Variants in ALK observed in about 807,000 individuals in gnomAD.
ALK encodes the protein ALK tyrosine kinase receptor.
A neutral mutation model predicts 163.1 loss-of-function variants in ALK; 74 were observed. The observed-to-expected ratio is 0.45, with a 90% confidence interval of 0.38 to 0.55. The LOEUF is 0.55. ALK is among the 20% of genes least tolerant of loss of function. The pLI, the probability that ALK is intolerant of heterozygous loss-of-function variation, is 0.00. For missense variants in ALK, 2,063 were observed against 2,105.3 expected (o/e 0.98, Z 0.39); for synonymous variants, 960 against 843.2 (o/e 1.14, Z -2.40).
intron 4 of ALK, among the ~76,000 whole-genome samples, chr2:29,398,632 T>A (rs1032522491): frequency 1.3e-4 from 20 of 152,168 alleles, no homozygotes; most frequent in Non-Finnish European, 8.8e-5. Flanking sequence ...TCACAGAAGC[T>A]GGCATCTTTT....
At chr2:29,415,302 T>C (rs559471967) in intron 4 of ALK, among the ~76,000 whole-genome samples, 1 of 152,148 alleles carries the variant, frequency 6.6e-6, no homozygotes, top group South Asian at 2.1e-4. Context: ...CCTCATTCAA[T>C]AGAGGAAGAC....
intron 5 of ALK, among the ~76,000 whole-genome samples, chr2:29,358,861 C>T (rs996613432): frequency 1.5e-4 from 23 of 152,088 alleles, no homozygotes; most frequent in African/African-American, 5.6e-4. Context: ...ACTACCTTAC[C>T]AGCTCTGTGA....
At chr2:29,305,091 G>A (rs953667383) in intron 8 of ALK, among the ~76,000 whole-genome samples, 1 of 152,218 alleles carries the variant, frequency 6.6e-6, no homozygotes, top group African/African-American at 2.4e-5. Flanking sequence ...CTTAGTGCAG[G>A]AAGTGCCTGA....
At chr2:29,200,122 G>A (rs777367174) in intron 26 of ALK, among the ~76,000 whole-genome samples, 6 of 148,620 alleles carry the variant, frequency 4.0e-5, no homozygotes, top group Non-Finnish European at 9.1e-5. Flanking sequence ...ATTCCTTTCT[G>A]TTTGGAGATC....
rs2148258275 is a variant in ALK at position 29,328,396 on chromosome 2, G to A, written c.1368C>T (p.Asp456=). 1 of 1,614,186 alleles carries A rather than the reference G, an allele frequency of 6.2e-7. No individual in the cohort carries two copies. The highest frequency in any genetic ancestry group is 8.5e-7 in the Non-Finnish European group (1 of 1,180,032). ...GTVLQLGQAC[D]FHQDCAQGED... is the part of the protein sequence containing the mutation. Reference sequence around the variant, plus strand: ...CTCCCTGGGCACAGTCCTGGTGGAAGTCACAGGCCTGCCCAAGCTGGAGGA... The same window carrying A: ...CTCCCTGGGCACAGTCCTGGTGGAAATCACAGGCCTGCCCAAGCTGGAGGA... The change falls in exon 6 of 29, where the codon GAC becomes GAT. Residue 456 remains aspartate, a synonymous_variant. Coordinates refer to ENST00000389048, the MANE Select transcript of ALK (RefSeq NM_004304.5).
chr2:29,841,630 C>T (rs933838452), intron 1 of ALK, among the ~76,000 whole-genome samples: 5 of 152,138 alleles, frequency 3.3e-5, no homozygotes, highest in Non-Finnish European at 7.3e-5. Context: ...GGCTGCGCTC[C>T]GTGAGTCCTG....
At chr2:29,330,475 T>A (rs1192819330) in intron 5 of ALK, among the ~76,000 whole-genome samples, 4 of 152,088 alleles carry the variant, frequency 2.6e-5, no homozygotes, top group African/African-American at 4.8e-5. Flanking sequence ...TTCATCAAGT[T>A]GTGTGAGCTT....
At chr2:29,592,900 C>T (rs1328007920) in intron 3 of ALK, among the ~76,000 whole-genome samples, 1 of 152,128 alleles carries the variant, frequency 6.6e-6, no homozygotes, top group Non-Finnish European at 1.5e-5. Context: ...ATGAATTCTC[C>T]CTGGAGTCTT....
chr2:29,727,220 C>G (rs2148314652), intron 1 of ALK, among the ~76,000 whole-genome samples: 1 of 152,292 alleles, frequency 6.6e-6, no homozygotes, highest in East Asian at 1.9e-4. Flanking sequence ...TGGTCCTTGG[C>G]TTGTCCAAGG....
At chr2:29,491,311 C>T (rs1197026863) in intron 4 of ALK, among the ~76,000 whole-genome samples, 1 of 152,096 alleles carries the variant, frequency 6.6e-6, no homozygotes. Flanking sequence ...TCTCAGAGTG[C>T]CTAGAACAGG....
chr2:29,565,594 G>A (rs1174339471), intron 3 of ALK, among the ~76,000 whole-genome samples: 2 of 152,128 alleles, frequency 1.3e-5, no homozygotes, highest in African/African-American at 4.8e-5. Flanking sequence ...TTTTCATGAG[G>A]TTCTTCAGTG....
At chr2:29,301,156 C>T (rs1666357005) in intron 8 of ALK, among the ~76,000 whole-genome samples, 1 of 152,216 alleles carries the variant, frequency 6.6e-6, no homozygotes, top group South Asian at 2.1e-4. Flanking sequence ...GCCAGATTTG[C>T]ACCTGACTTG....
At chr2:29,849,056 T>C (rs1287907566) in intron 1 of ALK, among the ~76,000 whole-genome samples, 4 of 152,114 alleles carry the variant, frequency 2.6e-5, no homozygotes, top group African/African-American at 7.2e-5. Context: ...CACATCTCCA[T>C]GCACACCAGG....
At chr2:29,508,268 C>G (rs1036821197) in intron 4 of ALK, among the ~76,000 whole-genome samples, 2 of 152,158 alleles carry the variant, frequency 1.3e-5, no homozygotes, top group Non-Finnish European at 2.9e-5. Context: ...CTTTCTGACT[C>G]CTGCTACTGA....
chr2:29,197,378 G>A (rs781538005), intron 27 of ALK, among the ~76,000 whole-genome samples, 164 bp downstream of exon 27: 1 of 152,142 alleles, frequency 6.6e-6, no homozygotes, highest in African/African-American at 2.4e-5. Context: ...CCTGGGAGAC[G>A]CATCCATCTC....
chr2:29,538,983 C>G (rs1242683242), intron 3 of ALK, among the ~76,000 whole-genome samples: 2 of 152,142 alleles, frequency 1.3e-5, no homozygotes, highest in East Asian at 3.8e-4. Context: ...TATCACTTGA[C>G]TCTTCTCACT....
intron 11 of ALK, among the ~76,000 whole-genome samples, chr2:29,264,878 A>G (rs17783362): frequency 0.1 from 15,278 of 152,150 alleles, 814 homozygotes; most frequent in Middle Eastern, 0.15. Flanking sequence ...CTTACGCATG[A>G]TTGGAAGGGG....
rs201594262 is a variant in ALK at position 29,831,259 on chromosome 2, GGAAGAAGAAGAAGAAGAAGAAGAAGAA to G, written c.667+88707_667+88733del. Among the ~76,000 whole-genome samples, 11 of 28,150 alleles carry G rather than the reference GGAAGAAGAAGAAGAAGAAGAAGAAGAA, an allele frequency of 3.9e-4. 3 individuals are homozygous for G. The highest frequency in any genetic ancestry group is 0.059 in the Middle Eastern group (2 of 34). The allele number at this position is 28,150 out of a possible 152,430, so 18.5% of individuals were successfully genotyped here. ...AGGAAGAAGAAGAGGAAGAGGAAGA[GGAAGAAGAAGAAGAAGAAGAAGAAGAA>G]GAAGAAGAAGAAGAAGAAGAAGAAG... On this transcript the variant is annotated intron_variant, in intron 1 of 28. Coordinates refer to ENST00000389048, the MANE Select transcript of ALK (RefSeq NM_004304.5).
intron 4 of ALK, among the ~76,000 whole-genome samples, chr2:29,494,244 T>C (rs1038588653): frequency 6.6e-6 from 1 of 152,188 alleles, no homozygotes; most frequent in African/African-American, 2.4e-5. Flanking sequence ...GTGATAATAA[T>C]AGTATCAAGA....
Sources: allele counts gnomAD v4.1 joint callset (sites outside exome capture counted in the v4.1 genomes callset), GRCh38; gene constraint gnomAD v4.1.1; transcripts MANE v1.5; gene names NCBI Gene and HGNC (gene_info 2026-07-23, HGNC 2026-07-21).